C6: variants seen among roughly 807,000 people sequenced by gnomAD.
C6 encodes the protein complement component C6.
Under a neutral mutation model 112.9 loss-of-function variants are expected in C6, and 101 were observed. The observed-to-expected ratio is 0.89, with a 90% CI of 0.76 to 1.06. The LOEUF (loss-of-function observed/expected upper bound fraction) is 1.06, where lower values mean the gene tolerates loss of function less well. Among genes scored for constraint, C6 ranks in the 50% least tolerant of loss-of-function variants. The pLI is 0.00. For missense variants in C6, 1,202 were observed against 1,104.6 expected (o/e 1.09, Z -1.25); for synonymous variants, 431 against 384.1 (o/e 1.12, Z -1.43).
At chr5:41,171,241 G>A (rs553967198) in intron 9 of C6, among the ~76,000 whole-genome samples, 12 of 152,226 alleles carry the variant, frequency 7.9e-5, no homozygotes. Context: ...ATAGAAAGAG[G>A]GTAGAATCAA....
intron 1 of C6, among the ~76,000 whole-genome samples, chr5:41,241,612 T>C (rs1008934056): frequency 6.6e-6 from 1 of 152,166 alleles, no homozygotes; most frequent in Non-Finnish European, 1.5e-5. Context: ...GGGGTAATAT[T>C]TCAAATTTCA....
At chr5:41,198,289 T>C (rs1750757151) in intron 4 of C6, among the ~76,000 whole-genome samples, 1 of 152,130 alleles carries the variant, frequency 6.6e-6, no homozygotes. Context: ...AGAAAAACAA[T>C]CATTCATAAA....
At chr5:41,195,665 G>T (rs1750553929) in intron 5 of C6, 127 bp downstream of exon 5, 2 of 992,562 alleles carry the variant, frequency 2.0e-6, no homozygotes, top group Middle Eastern at 2.3e-4. Context: ...CTAAGTATCA[G>T]AGATAGGGCT....
At position 41,156,457 on chromosome 5, in the gene C6, A is replaced by C. The variant is rs148052746; in HGVS notation, c.1969-1353T>G. ...AGATCTCTGTCTCATAAATCTTTACACAGGCCTTAATTCTTTGCTGAAAGA... is the reference window on the plus strand; with the variant it reads ...AGATCTCTGTCTCATAAATCTTTACCCAGGCCTTAATTCTTTGCTGAAAGA... On this transcript the variant is annotated intron_variant, in intron 13 of 17. Transcript: ENST00000337836. Among the ~76,000 whole-genome samples the C allele has an allele frequency of 2.6e-3, 389 of 152,278 alleles. 5 individuals carry two copies. The East Asian group carries it at 0.058, about 23-fold the overall frequency.
chr5:41,204,711 C>T lies in C6; in HGVS notation c.-20-1461G>A, dbSNP rs566142626. Among the ~76,000 whole-genome samples the T allele has an allele frequency of 2.7e-5, 4 of 145,694 alleles. No individual in the cohort carries two copies. The South Asian group carries it at 8.8e-4, about 32-fold the overall frequency. Reference sequence around the variant, plus strand: ...TTGAGATGGAGTCTCACTCTGTCACCCAGGCTAGAGTGCAGTGGTGTGATC... The same window carrying T: ...TTGAGATGGAGTCTCACTCTGTCACTCAGGCTAGAGTGCAGTGGTGTGATC... On this transcript the variant is annotated intron_variant, in intron 1 of 17. Transcript: ENST00000337836.
At chr5:41,164,625 G>A (rs978944955) in intron 9 of C6, among the ~76,000 whole-genome samples, 3 of 152,184 alleles carry the variant, frequency 2.0e-5, no homozygotes, top group Admixed American at 6.5e-5. Flanking sequence ...AATATTAGCA[G>A]TATTGTGTCA....
intron 1 of C6, among the ~76,000 whole-genome samples, chr5:41,227,608 A>C (rs189992888): frequency 1.3e-5 from 2 of 152,162 alleles, no homozygotes; most frequent in Admixed American, 1.3e-4. Context: ...AATAGTTTCA[A>C]ATCTTATGTG....
chr5:41,146,839 G>A (rs1031440256), intron 17 of C6, among the ~76,000 whole-genome samples: 44 of 150,410 alleles, frequency 2.9e-4, no homozygotes, highest in African/African-American at 6.1e-4. Context: ...CAGGTATTTC[G>A]ATAAAATTGT....
rs966521668 is a variant in C6 at position 41,213,401 on chromosome 5, C to T, written c.-46G>A. ...CTTTAAGCAGAGTTTGTGGTGTCCT[C>T]GGACCTAAGCTGCAAATTATTGGGG... On this transcript the variant is annotated 5_prime_UTR_variant, in exon 1 of 18. Coordinates refer to ENST00000337836, the MANE Select transcript of C6 (RefSeq NM_000065.5). 12 of 985,038 alleles carry T rather than the reference C, an allele frequency of 1.2e-5. No individual in the cohort carries two copies. The highest frequency in any genetic ancestry group is 6.2e-5 in the Admixed American group (1 of 16,242). The allele number at this position is 985,038 out of a possible 1,614,324, so 61.0% of individuals were successfully genotyped here.
chr5:41,242,299 T>C (rs1032373439), intron 1 of C6, among the ~76,000 whole-genome samples: 3 of 152,110 alleles, frequency 2.0e-5, no homozygotes, highest in Non-Finnish European at 4.4e-5. Context: ...TCTGATCATC[T>C]TATAAGCGTC....
At chr5:41,218,552 T>C (rs935899887) in intron 1 of C6, among the ~76,000 whole-genome samples, 2 of 152,152 alleles carry the variant, frequency 1.3e-5, no homozygotes, top group African/African-American at 4.8e-5. Flanking sequence ...TTCTGCCTCT[T>C]TTTTTCCTGG....
chr5:41,155,166 G>T (rs996532), intron 13 of C6, 62 bp from the exon 14 acceptor site: 1 of 1,446,686 alleles, frequency 6.9e-7, no homozygotes, highest in Non-Finnish European at 9.7e-7. Context: ...AAACTCTTTA[G>T]TCTCACACTG....
At chr5:41,240,080 G>A (rs1740602764) in intron 1 of C6, among the ~76,000 whole-genome samples, 1 of 152,114 alleles carries the variant, frequency 6.6e-6, no homozygotes, top group Admixed American at 6.5e-5. Context: ...ATGTGTTAGG[G>A]AGGATCTTTG....
At chr5:41,156,138 A>C (rs1746885451) in intron 13 of C6, among the ~76,000 whole-genome samples, 1 of 152,084 alleles carries the variant, frequency 6.6e-6, no homozygotes, top group East Asian at 1.9e-4. Context: ...ATTTCCTCCC[A>C]TAAAACCTAT....
chr5:41,226,146 A>G (rs944890093), intron 1 of C6, among the ~76,000 whole-genome samples: 1 of 152,210 alleles, frequency 6.6e-6, no homozygotes, highest in Non-Finnish European at 1.5e-5. Context: ...AAAAGAAACC[A>G]TCATCAGAGT....
chr5:41,155,105 C>G lies in C6; in HGVS notation c.1969-1G>C. On this transcript the variant is annotated splice_acceptor_variant, in intron 13 of 17. Coordinates refer to ENST00000337836, the MANE Select transcript of C6 (RefSeq NM_000065.5). LOFTEE classifies it high-confidence loss of function. ...CAACCAAGTATAGTTGCTTTTCATT[C>G]TTAATTAAAGCAGAAACCAGAAATT... is the stretch of plus-strand genomic sequence containing the variant. The G allele has an allele frequency of 6.2e-7, 1 of 1,612,704 alleles. No homozygotes were observed. The highest frequency in any genetic ancestry group is 8.5e-7 in the Non-Finnish European group (1 of 1,178,892).
At position 41,232,590 on chromosome 5, in the gene C6, G is replaced by T. The variant is rs937913678; in HGVS notation, c.-21+28604C>A. Reference sequence around the variant, plus strand: ...TACGAGGTTGTTTTTTAAAAAGCAGGTATGCATTGTTTCTGATTAGTAAAG... The same window carrying T: ...TACGAGGTTGTTTTTTAAAAAGCAGTTATGCATTGTTTCTGATTAGTAAAG... On this transcript the variant is annotated intron_variant, in intron 1 of 17. Transcript: ENST00000263413. Among the ~76,000 whole-genome samples, 8 of 152,062 alleles carry T rather than the reference G, an allele frequency of 5.3e-5. No individual in the cohort carries two copies. In the South Asian group the frequency reaches 1.7e-3, roughly 32 times the overall value.
intron 13 of C6, among the ~76,000 whole-genome samples, chr5:41,158,250 G>C (rs560415257): frequency 6.9e-4 from 105 of 152,216 alleles, no homozygotes; most frequent in African/African-American, 2.2e-3. Context: ...GACTGATTAA[G>C]AGTTCTACAG....
exon 1 of C6, chr5:41,261,406 C>T (rs1181682494): frequency 6.1e-6 from 1 of 163,786 alleles, no homozygotes; most frequent in African/African-American, 2.4e-5. Context: ...ATGTTGAAGA[C>T]ATACAAAATT....
Sources: allele counts gnomAD v4.1 joint callset (sites outside exome capture counted in the v4.1 genomes callset), GRCh38; gene constraint gnomAD v4.1.1; transcripts MANE v1.5; gene names NCBI Gene and HGNC (gene_info 2026-07-23, HGNC 2026-07-21).